The following SLCO3A1 variants were observed in gnomAD, a reference collection of about 807,000 sequenced individuals.
SLCO3A1 encodes PGE1 transporter.
SLCO3A1 carries 27 observed loss-of-function variants against 63.1 expected under a neutral mutation model. The observed-to-expected ratio is 0.43, with a 90% CI of 0.32 to 0.59. SLCO3A1 has a LOEUF of 0.59. SLCO3A1 is among the 20% of genes least tolerant of loss of function. The pLI is 0.09. For synonymous variants in SLCO3A1, 473 were observed against 409.9 expected (o/e 1.15, Z -1.86); for missense variants, 773 against 945.8 (o/e 0.82, Z 2.40).
At chr15:92,108,850 C>A (rs2047695893) in intron 4 of SLCO3A1, among the ~76,000 whole-genome samples, 1 of 152,076 alleles carries the variant, frequency 6.6e-6, no homozygotes, top group Non-Finnish European at 1.5e-5. Flanking sequence ...TGTGTACCTG[C>A]CCCTGTGTAC....
At chr15:92,047,599 T>TA (rs370262394) in intron 2 of SLCO3A1, among the ~76,000 whole-genome samples, 209 of 16,772 alleles carry the variant, frequency 0.012, 2 homozygotes, top group Admixed American at 0.029. Context: ...ATATAATATA[T>TA]AATATATATA....
chr15:92,152,377 C>G (rs2048317461), intron 9 of SLCO3A1, among the ~76,000 whole-genome samples: 1 of 152,324 alleles, frequency 6.6e-6, no homozygotes, highest in East Asian at 1.9e-4. Flanking sequence ...CCTCAGAATG[C>G]TCTCAACCAC....
chr15:91,908,077 T>A (rs902834615), intron 1 of SLCO3A1, among the ~76,000 whole-genome samples: 1 of 152,094 alleles, frequency 6.6e-6, no homozygotes, highest in African/African-American at 2.4e-5. Context: ...GTGACAAAAC[T>A]GTAAGGGGGG....
intron 2 of SLCO3A1, among the ~76,000 whole-genome samples, chr15:92,076,547 C>T (rs906806653): frequency 1.8e-4 from 27 of 152,324 alleles, no homozygotes; most frequent in Admixed American, 7.2e-4. Context: ...CATGAATCCA[C>T]GGATAGACAG....
At chr15:92,085,135 G>A (rs1024503250) in intron 2 of SLCO3A1, among the ~76,000 whole-genome samples, 67 of 152,188 alleles carry the variant, frequency 4.4e-4, no homozygotes, top group African/African-American at 1.6e-3. Context: ...GGGCTCCCCA[G>A]GTTTCCAGGC....
chr15:92,058,736 G>A (rs7171275), intron 2 of SLCO3A1, among the ~76,000 whole-genome samples: 22,647 of 152,152 alleles, frequency 0.15, 1,727 homozygotes, highest in African/African-American at 0.17. Flanking sequence ...AGTCCTAGAA[G>A]CCAGAACTCC....
intron 2 of SLCO3A1, among the ~76,000 whole-genome samples, chr15:91,945,475 C>T (rs747962453): frequency 3.9e-5 from 6 of 152,090 alleles, no homozygotes; most frequent in Admixed American, 1.3e-4. Context: ...TAAGTGAATA[C>T]GTAAACAGAC....
At chr15:92,005,372 C>T (rs537108476) in intron 2 of SLCO3A1, among the ~76,000 whole-genome samples, 18 of 152,314 alleles carry the variant, frequency 1.2e-4, no homozygotes, top group African/African-American at 3.6e-4. Context: ...AGGGGCTGAT[C>T]GCTTCAAGAG....
chr15:91,963,927 C>A (rs895375122), intron 2 of SLCO3A1, among the ~76,000 whole-genome samples: 2 of 152,096 alleles, frequency 1.3e-5, no homozygotes, highest in African/African-American at 4.8e-5. Context: ...CTTATTTGGC[C>A]CCGCCCACAT....
At chr15:92,067,314 C>T (rs1597278934) in intron 2 of SLCO3A1, among the ~76,000 whole-genome samples, 1 of 152,206 alleles carries the variant, frequency 6.6e-6, no homozygotes, top group Non-Finnish European at 1.5e-5. Flanking sequence ...CCCCTCCTCC[C>T]TCTGCTTCCC....
In SLCO3A1 at chr15:92,015,374, A is replaced by C. The variant is rs565809140; in HGVS notation, c.647-79507A>C. Among the ~76,000 whole-genome samples, 11 of 152,252 alleles carry C rather than the reference A, an allele frequency of 7.2e-5. No individual in the cohort carries two copies. The South Asian group carries it at 2.3e-3, about 32-fold the overall frequency. On this transcript the variant is annotated intron_variant, in intron 2 of 9. Transcript: ENST00000318445. ...ACAATCATGTCAGAAGGCGAAGAAG[A>C]AGCAAGTACCTTCTTCGCAAGGCAG...
intron 2 of SLCO3A1, among the ~76,000 whole-genome samples, chr15:92,028,906 CAA>C (rs1441253658): frequency 0.033 from 784 of 23,650 alleles, 7 homozygotes; most frequent in African/African-American, 0.15. Context: ...GCTGCAGGCA[CAA>C]GTGTGTGTGT....
chr15:91,871,656 T>G (rs1897280269), intron 1 of SLCO3A1, among the ~76,000 whole-genome samples: 2 of 152,188 alleles, frequency 1.3e-5, no homozygotes, highest in African/African-American at 4.8e-5. Context: ...TGAGGGTGTT[T>G]GACTCAGGGC....
At chr15:92,103,690 G>A (rs1394010563) in intron 3 of SLCO3A1, among the ~76,000 whole-genome samples, 4 of 152,022 alleles carry the variant, frequency 2.6e-5, no homozygotes, top group African/African-American at 9.7e-5. Context: ...ATGTTATACA[G>A]ATCAGTAAAC....
chr15:92,164,486 A>G lies in SLCO3A1; in HGVS notation c.*1351A>G. 1 of 985,434 alleles carries G rather than the reference A, an allele frequency of 1.0e-6. No individual in the cohort carries two copies. Among genetic ancestry groups the G allele is most frequent in the Non-Finnish European group, 1.2e-6 (1 of 829,930 alleles). The allele number at this position is 985,434 out of a possible 1,614,324, so 61.0% of individuals were successfully genotyped here. A position where few individuals can be genotyped will look rare whatever the true frequency, so the allele number is the denominator to read the frequency against. On this transcript the variant is annotated 3_prime_UTR_variant, in exon 10 of 10. Transcript: ENST00000318445. ...CTTTTATATTCATGCTTGACATTCC[A>G]AGAGGCGTTCTTTTCAGCCTGTGGA...
rs2048457764 is a variant in SLCO3A1, at chr15:92,162,901, C to G, written c.1899C>G (p.Leu633=). ...TGTATGTCAGCATCGCCATCGCGCT[C>G]AAATCCTTCGCCTTCATCCTGTACA... ...RYLYVSIAIA[L]KSFAFILYTT... is the part of the protein sequence containing the mutation. The change falls in exon 10 of 10, where the codon CTC becomes CTG. Residue 633 remains leucine (L), a synonymous_variant. Coordinates refer to ENST00000318445, the MANE Select transcript of SLCO3A1 (RefSeq NM_013272.4). 6 of 1,614,096 alleles carry G rather than the reference C, an allele frequency of 3.7e-6. No individual in the cohort carries two copies. The African/African-American group carries it at 4.0e-5, about 11-fold the overall frequency.
rs74030486 is a variant in SLCO3A1 at position 92,114,008 on chromosome 15, C to A, written c.1010-6457C>A. Among the ~76,000 whole-genome samples the A allele has an allele frequency of 6.5e-3, 988 of 152,272 alleles. 10 individuals carry two copies. Among genetic ancestry groups the A allele is most frequent in the African/African-American group, 0.023 (947 of 41,542 alleles). Reference sequence around the variant, plus strand: ...GGTTTTCAAAGCCTCCTAGATGATTCTTTGTGAACTCCCAATTGCACATGA... The same window carrying A: ...GGTTTTCAAAGCCTCCTAGATGATTATTTGTGAACTCCCAATTGCACATGA... On this transcript the variant is annotated intron_variant, in intron 4 of 9. Coordinates refer to ENST00000318445, the MANE Select transcript of SLCO3A1 (RefSeq NM_013272.4).
In SLCO3A1 at chr15:91,872,055, G is replaced by A. The variant is rs1187580606; in HGVS notation, c.180+17967G>A. On this transcript the variant is annotated intron_variant, in intron 1 of 9. Transcript: ENST00000318445. The surrounding 1 kb of genome is among the most constrained non-coding windows in gnomAD (Gnocchi z 4.1). ...TACAAAATGGGATGATGAGTTCAAG[G>A]GATTGGTCACAAAAGATGTGGGGAG... is the stretch of plus-strand genomic sequence containing the variant. 6.6e-6 allele frequency among the ~76,000 whole-genome samples: 1 copy of A among 152,036 alleles called. No homozygotes were observed. The highest frequency in any genetic ancestry group is 1.9e-4 in the East Asian group (1 of 5,176).
rs1555450152 is a variant in SLCO3A1, at chr15:91,926,599, G to GCA, written c.646+10142_646+10143insAC. Among the ~76,000 whole-genome samples, 372 of 145,742 alleles carry GCA rather than the reference G, an allele frequency of 2.6e-3. 6 individuals carry two copies. The highest frequency in any genetic ancestry group is 8.7e-3 in the Admixed American group (130 of 14,940). On this transcript the variant is annotated intron_variant, in intron 2 of 9. Coordinates refer to ENST00000318445, the MANE Select transcript of SLCO3A1 (RefSeq NM_013272.4). ...TGTGTGTGTGTGTGTGTGTGTGTGC[G>GCA]CGCGCGCACGCCCATGCTTATTTTA...
Sources: gnomAD v4.1 joint callset for allele counts (sites outside exome capture counted in the v4.1 genomes callset) on GRCh38, gnomAD v4.1.1 for gene constraint, Gnocchi (gnomAD v3.1) non-coding constraint, MANE v1.5 for transcripts, NCBI Gene and HGNC (gene_info 2026-07-23, HGNC 2026-07-21) for gene names.